Variants in PCDH15 observed in about 807,000 individuals in gnomAD.
PCDH15 encodes the protein protocadherin related 15.
A neutral mutation model predicts 178.5 loss-of-function variants in PCDH15; 129 were observed. The ratio of observed to expected loss-of-function variants is 0.72; its 90% CI spans 0.63 to 0.84. PCDH15 has a LOEUF of 0.84. PCDH15 is among the 40% of genes least tolerant of loss of function. The pLI, the probability that PCDH15 is intolerant of heterozygous loss-of-function variation, is 0.00. For missense variants in PCDH15, 2,230 were observed against 2,099.9 expected, an observed-to-expected ratio of 1.06 and a Z score of -1.21; for synonymous variants, 800 against 732.0, an observed-to-expected ratio of 1.09 and a Z score of -1.50.
intron 2 of PCDH15, among the ~76,000 whole-genome samples, chr10:54,934,387 T>C (rs567391051): frequency 1.3e-5 from 2 of 152,238 alleles, no homozygotes; most frequent in Non-Finnish European, 2.9e-5. Flanking sequence ...CTGAAAATAC[T>C]AAAAATTTTT....
At chr10:54,664,535 G>T (rs1044247948) in intron 1 of PCDH15, among the ~76,000 whole-genome samples, 8 of 151,978 alleles carry the variant, frequency 5.3e-5, no homozygotes, top group Non-Finnish European at 7.4e-5. Flanking sequence ...CAAGTAGGTT[G>T]AGAAGTTAAC....
intron 2 of PCDH15, among the ~76,000 whole-genome samples, chr10:55,344,134 T>C (rs995016283): frequency 1.3e-5 from 2 of 152,064 alleles, no homozygotes; most frequent in African/African-American, 2.4e-5. Flanking sequence ...GAAATATATA[T>C]GTATTCAGAT....
intron 2 of PCDH15, among the ~76,000 whole-genome samples, chr10:55,119,764 T>G (rs1322095874): frequency 1.3e-5 from 2 of 152,202 alleles, no homozygotes; most frequent in African/African-American, 4.8e-5. Flanking sequence ...TACATTCATA[T>G]TTCACTTGAA....
In PCDH15 at chr10:54,926,165, G is replaced by T. The variant is rs533238233; in HGVS notation, c.-79-28665C>A. Among the ~76,000 whole-genome samples, 6 of 152,152 alleles carry T rather than the reference G, an allele frequency of 3.9e-5. No homozygotes were observed. The South Asian group carries it at 6.2e-4, about 16-fold the overall frequency. On this transcript the variant is annotated intron_variant, in intron 2 of 5. Transcript: ENST00000458638. ...GAGAGTTTTAACCTGAAGGAATGTT[G>T]AATTTCATCCAAAGGCATTTCTGCA...
At chr10:53,921,246 G>A (rs1328698599) in intron 25 of PCDH15, among the ~76,000 whole-genome samples, 1 of 152,038 alleles carries the variant, frequency 6.6e-6, no homozygotes, top group Non-Finnish European at 1.5e-5. Flanking sequence ...ACATTTTTGA[G>A]CACTAGTCAC....
chr10:55,092,952 C>G (rs2132037296), intron 2 of PCDH15, among the ~76,000 whole-genome samples: 1 of 151,976 alleles, frequency 6.6e-6, no homozygotes, highest in East Asian at 1.9e-4. Context: ...TAATATAAAA[C>G]TAAAACTAAA....
intron 2 of PCDH15, among the ~76,000 whole-genome samples, chr10:55,113,556 T>C (rs1487293431): frequency 6.6e-6 from 1 of 152,222 alleles, no homozygotes; most frequent in Non-Finnish European, 1.5e-5. Context: ...TTTTTTTCTT[T>C]TCTCTAGCCT....
intron 3 of PCDH15, among the ~76,000 whole-genome samples, chr10:54,496,389 G>T (rs1290155085): frequency 6.6e-6 from 1 of 151,888 alleles, no homozygotes; most frequent in Non-Finnish European, 1.5e-5. Flanking sequence ...TGAAATTAAG[G>T]TCTGGGGTTT....
rs146997228 is a variant in PCDH15, at chr10:54,388,518, C to G, written c.158-9576G>C. ...GTGACCTCTAATTTAAAGCATACGC[C>G]ACATACTGTAAGAGAATGACCAAAC... On this transcript the variant is annotated intron_variant, in intron 3 of 37. Transcript: ENST00000644397. 2.6e-3 allele frequency among the ~76,000 whole-genome samples: 392 copies of G among 152,226 alleles called. 2 individuals carry two copies. Among genetic ancestry groups the G allele is most frequent in the Middle Eastern group, 6.8e-3 (2 of 294 alleles).
chr10:54,274,566 A>T (rs2058238516), intron 8 of PCDH15, among the ~76,000 whole-genome samples: 1 of 151,338 alleles, frequency 6.6e-6, no homozygotes. Context: ...TGCGATGAAA[A>T]TTTTTTGGTG....
At chr10:55,389,057 T>C (rs1166492612) in intron 2 of PCDH15, among the ~76,000 whole-genome samples, 5 of 152,132 alleles carry the variant, frequency 3.3e-5, no homozygotes, top group Non-Finnish European at 1.5e-5. Flanking sequence ...TATATTTGCA[T>C]ATGAACATTC....
At chr10:55,430,474 C>T (rs1482466141) in intron 2 of PCDH15, among the ~76,000 whole-genome samples, 1 of 152,102 alleles carries the variant, frequency 6.6e-6, no homozygotes, top group East Asian at 1.9e-4. Context: ...GCTTGAACCT[C>T]ATTGTTGTTT....
At chr10:54,689,920 T>C (rs2095086251) in intron 1 of PCDH15, among the ~76,000 whole-genome samples, 1 of 152,176 alleles carries the variant, frequency 6.6e-6, no homozygotes, top group Non-Finnish European at 1.5e-5. Context: ...GGGCATGTTC[T>C]TGAAGGAATG....
intron 21 of PCDH15, among the ~76,000 whole-genome samples, chr10:53,991,615 A>G (rs1431477531): frequency 6.6e-6 from 1 of 151,974 alleles, no homozygotes; most frequent in Admixed American, 6.6e-5. Context: ...TGCACCAATC[A>G]GCACTCTGTG....
rs577775906 is a variant in PCDH15, at chr10:54,008,027, C to T, written c.2751+12165G>A. ...AAGGATAATAATATTTTATGGGCCT[C>T]AGTAGTATATACTAGAATTTTAAAG... On this transcript the variant is annotated intron_variant, in intron 20 of 37. Transcript: ENST00000644397. Among the ~76,000 whole-genome samples the T allele has an allele frequency of 3.9e-5, 6 of 152,164 alleles. No homozygotes were observed. The South Asian group carries it at 1.2e-3, about 32-fold the overall frequency.
chr10:55,157,528 C>A (rs10763184), intron 2 of PCDH15, among the ~76,000 whole-genome samples: 128,751 of 139,006 alleles, frequency 0.93, 59,860 homozygotes, highest in East Asian at 1. Flanking sequence ...CGGCACTATT[C>A]ACAATAGCAA....
intron 18 of PCDH15, among the ~76,000 whole-genome samples, chr10:54,058,458 C>T (rs10763063): frequency 0.6 from 91,127 of 151,882 alleles, 27,485 homozygotes; most frequent in Middle Eastern, 0.75. Context: ...AAAACCATCA[C>T]ATCTTGTGAG....
At chr10:54,916,908 G>A (rs1356393493) in intron 2 of PCDH15, among the ~76,000 whole-genome samples, 1 of 152,124 alleles carries the variant, frequency 6.6e-6, no homozygotes. Flanking sequence ...TTGCATCTTG[G>A]TATGTAGTGC....
chr10:55,599,744 G>A (rs779692249), intron 2 of PCDH15: 6 of 402,788 alleles, frequency 1.5e-5, no homozygotes, highest in Admixed American at 4.1e-5. Context: ...AAAGGAACTC[G>A]GCACATTTCA....
Sources: gnomAD v4.1 joint callset for allele counts (sites outside exome capture counted in the v4.1 genomes callset) on GRCh38, gnomAD v4.1.1 for gene constraint, MANE v1.5 for transcripts, NCBI Gene and HGNC (gene_info 2026-07-23, HGNC 2026-07-21) for gene names.